The following DGAT2 variants were observed in gnomAD, a reference collection of about 807,000 sequenced individuals.
DGAT2 encodes diacylglycerol O-acyltransferase 2.
In DGAT2, 33 loss-of-function variants were observed where a neutral mutation model predicts 48.4. That is an observed-to-expected ratio of 0.68 (90% CI 0.52 to 0.91). DGAT2 has a LOEUF of 0.91. Ranked by LOEUF, DGAT2 falls within the 40% of genes least tolerant of loss-of-function variation. The pLI, the probability that DGAT2 is intolerant of heterozygous loss-of-function variation, is 0.00. For synonymous variants in DGAT2, 191 were observed against 194.1 expected (o/e 0.98, Z 0.13); for missense variants, 446 against 493.7 (o/e 0.90, Z 0.92).
intron 1 of DGAT2, among the ~76,000 whole-genome samples, chr11:75,772,035 A>G (rs1191719736): frequency 2.0e-5 from 3 of 152,176 alleles, no homozygotes; most frequent in Non-Finnish European, 4.4e-5. Flanking sequence ...ACTCAGATCC[A>G]TCTCCCAGTC....
Position 75,800,668 on chromosome 11 carries a change from T to A in DGAT2, c.*160T>A. The A allele has an allele frequency of 2.1e-6, 2 of 966,346 alleles. No individual in the cohort carries two copies. The highest frequency in any genetic ancestry group is 3.0e-6 in the Non-Finnish European group (2 of 674,476). The allele number at this position is 966,346 out of a possible 1,614,324, so 59.9% of individuals were successfully genotyped here. ...TAGGTCTTTTTTAAGAAGGAAAAAG[T>A]CAGTATTTCAAGTTCTTTCACTTCC... On this transcript the variant is annotated 3_prime_UTR_variant, in exon 8 of 8. Transcript: ENST00000228027.
Position 75,768,880 on chromosome 11 carries a change from TC to T in DGAT2, c.-109del. 2 of 1,285,722 alleles carry T rather than the reference TC, an allele frequency of 1.6e-6. No homozygotes were observed. The highest frequency in any genetic ancestry group is 2.0e-6 in the Non-Finnish European group (2 of 1,008,866). The allele number at this position is 1,285,722 out of a possible 1,614,324, so 79.6% of individuals were successfully genotyped here. On this transcript the variant is annotated 5_prime_UTR_variant, in exon 1 of 8. Transcript: ENST00000228027. ...TCCTAGCCGCCCAGCCTCGACGCCG[TC>T]CCGGGACCCCTGTGCTCTGCGCGAA... is the stretch of plus-strand genomic sequence containing the variant.
At chr11:75,780,587 T>TAGGC (rs1186635604) in intron 1 of DGAT2, among the ~76,000 whole-genome samples, 2 of 152,232 alleles carry the variant, frequency 1.3e-5, no homozygotes, top group Non-Finnish European at 2.9e-5. Flanking sequence ...AGAAGATGCC[T>TAGGC]GCTCCTGACC....
At chr11:75,772,583 G>A (rs1944768931) in intron 1 of DGAT2, among the ~76,000 whole-genome samples, 1 of 152,104 alleles carries the variant, frequency 6.6e-6, no homozygotes. Context: ...TTCCAATCTA[G>A]AGAGCCACTT....
chr11:75,779,023 G>C (rs1199052515), intron 1 of DGAT2, among the ~76,000 whole-genome samples: 1 of 152,130 alleles, frequency 6.6e-6, no homozygotes, highest in African/African-American at 2.4e-5. Flanking sequence ...CTCAGACACT[G>C]CTGCCCTCAG....
chr11:75,793,789 A>G (rs1590874564), intron 4 of DGAT2: 1 of 152,258 alleles, frequency 6.6e-6, no homozygotes, highest in South Asian at 2.1e-4. Flanking sequence ...TGGCTGCCCC[A>G]GCTCTTCCCT....
At chr11:75,786,945 A>G (rs1168505958) in intron 2 of DGAT2, among the ~76,000 whole-genome samples, 6 of 152,230 alleles carry the variant, frequency 3.9e-5, no homozygotes, top group Non-Finnish European at 7.3e-5. Flanking sequence ...ATAAATATCT[A>G]TACATTAAAA....
At position 75,769,019 on chromosome 11, in the gene DGAT2, G is replaced by A; in HGVS notation, c.28G>A (p.Gly10Arg). The change falls in exon 1 of 8, where the codon GGG (glycine) becomes AGG (arginine). Residue 10 changes from glycine (G) to arginine (R), a missense_variant. Physicochemically the swap from Gly to Arg is moderately radical, Grantham distance 125. Transcript: ENST00000228027. ...GAAGACCCTCATAGCCGCCTACTCC[G>A]GGGTCCTGCGCGGCGAGCGTCAGGC... is the stretch of plus-strand genomic sequence containing the variant. MKTLIAAYS[G>R]VLRGERQAEA... 1 of 1,574,716 alleles carries A rather than the reference G, an allele frequency of 6.4e-7. No homozygotes were observed. Among genetic ancestry groups the A allele is most frequent in the South Asian group, 1.1e-5 (1 of 87,458 alleles).
rs779066628 is a variant in DGAT2, at chr11:75,796,316, T to G, written c.430-12T>G. On this transcript the variant is annotated splice_polypyrimidine_tract_variant and intron_variant, in intron 4 of 7. Transcript: ENST00000228027. ...CCAGCCAGTTTCCTCTGACCCAAGG[T>G]CATCCTTGCAGCTGGTGAAGACACA... 1 of 1,611,884 alleles carries G rather than the reference T, an allele frequency of 6.2e-7. No homozygotes were observed. Among genetic ancestry groups the G allele is most frequent in the Non-Finnish European group, 8.5e-7 (1 of 1,178,250 alleles).
At chr11:75,777,885 G>A (rs1944817730) in intron 1 of DGAT2, among the ~76,000 whole-genome samples, 1 of 152,086 alleles carries the variant, frequency 6.6e-6, no homozygotes. Flanking sequence ...CATAGCTCTC[G>A]TCGCTGCCTG....
intron 7 of DGAT2, among the ~76,000 whole-genome samples, chr11:75,799,639 G>C (rs899788386): frequency 6.6e-6 from 1 of 150,992 alleles, no homozygotes; most frequent in Non-Finnish European, 1.5e-5. Context: ...TTTGAGACAG[G>C]GTCTCATTCT....
intron 1 of DGAT2, among the ~76,000 whole-genome samples, chr11:75,774,218 A>G (rs1308086367): frequency 6.6e-6 from 1 of 152,176 alleles, no homozygotes; most frequent in Non-Finnish European, 1.5e-5. Flanking sequence ...TGAGGGCCTC[A>G]TGGGCAGGGC....
Position 75,769,132 on chromosome 11 carries a change from G to T in DGAT2, c.121+20G>T, listed in dbSNP as rs778858661. 1.3e-6 allele frequency: 2 copies of T among 1,540,462 alleles called. No individual in the cohort carries two copies. Among genetic ancestry groups the T allele is most frequent in the South Asian group, 2.4e-5 (2 of 82,680 alleles). On this transcript the variant is annotated intron_variant, in intron 1 of 7. Coordinates refer to ENST00000228027, the MANE Select transcript of DGAT2 (RefSeq NM_032564.5). The stretch of plus-strand genomic sequence containing the variant: ...GATGGGGTGAGTGCCACGGCGCAGG[G>T]GTTATGGACCTGCGAGAAGATTTTC...
rs544401362 is a variant in DGAT2, at chr11:75,768,792, C to T, written c.-200C>T. The stretch of plus-strand genomic sequence containing the variant: ...GGGACGCCAGCGCCGCGGCTGCCGC[C>T]TCTGCTGGGGTCTAGGCTGTTTCTC... On this transcript the variant is annotated 5_prime_UTR_variant, in exon 1 of 8. Transcript: ENST00000228027. 5.5e-6 allele frequency: 3 copies of T among 549,890 alleles called. No homozygotes were observed. The highest frequency in any genetic ancestry group is 4.4e-5 in the Admixed American group (1 of 22,652). 34.1% of individuals were successfully genotyped at this position (549,890 alleles called of 1,614,324 possible). A position where few individuals can be genotyped will look rare whatever the true frequency, so the allele number is the denominator to read the frequency against.
intron 4 of DGAT2, chr11:75,793,015 T>C (rs1457603065): frequency 6.6e-6 from 1 of 152,250 alleles, no homozygotes; most frequent in Non-Finnish European, 1.5e-5. Flanking sequence ...TTTTCCTCTA[T>C]GCACTGCTGT....
At chr11:75,784,162 G>C (rs1341084597) in intron 1 of DGAT2, among the ~76,000 whole-genome samples, 1 of 152,016 alleles carries the variant, frequency 6.6e-6, no homozygotes. Context: ...AGTACACTTG[G>C]AGAAAAAAAA....
At chr11:75,784,890 T>A (rs1333097173) in intron 2 of DGAT2, 144 bp downstream of exon 2, 29 of 1,172,476 alleles carry the variant, frequency 2.5e-5, no homozygotes, top group Non-Finnish European at 3.5e-5. Flanking sequence ...TCCACATCTA[T>A]CTTTTGGGTC....
At chr11:75,790,823 A>G (rs1336059131) in intron 4 of DGAT2, 92 bp downstream of exon 4, 12 of 1,331,720 alleles carry the variant, frequency 9.0e-6, no homozygotes, top group African/African-American at 1.4e-5. Flanking sequence ...GCAAGTTTAG[A>G]CCAAGTTGGT....
intron 1 of DGAT2, chr11:75,773,796 T>A (rs1198339031): frequency 6.6e-6 from 1 of 152,172 alleles, no homozygotes; most frequent in African/African-American, 2.4e-5. Context: ...ATCTGAGCAA[T>A]GACAGGAAAG....
Sources: gnomAD v4.1 joint callset for allele counts (sites outside exome capture counted in the v4.1 genomes callset) on GRCh38, gnomAD v4.1.1 for gene constraint, MANE v1.5 for transcripts, NCBI Gene and HGNC (gene_info 2026-07-23, HGNC 2026-07-21) for gene names.